The following LARGE2 variants were observed in gnomAD, a reference collection of about 807,000 sequenced individuals.
LARGE2 encodes the protein xylosyl- and glucuronyltransferase LARGE2.
In LARGE2, 63 loss-of-function variants were observed where a neutral mutation model predicts 75.3. That is an observed-to-expected ratio of 0.84 (90% CI 0.68 to 1.03). LARGE2 has a LOEUF of 1.03. Ranked by LOEUF, LARGE2 falls within the 50% of genes least tolerant of loss-of-function variation. The pLI is 0.00. For missense variants in LARGE2, 925 were observed against 980.6 expected (o/e 0.94, Z 0.76); for synonymous variants, 428 against 420.1 (o/e 1.02, Z -0.23).
chr11:45,928,358 G>A lies in LARGE2; in HGVS notation c.1936G>A (p.Glu646Lys). 1 of 1,613,678 alleles carries A rather than the reference G, an allele frequency of 6.2e-7. No homozygotes were observed. Among genetic ancestry groups the A allele is most frequent in the Admixed American group, 1.7e-5 (1 of 60,020 alleles). Residue 646 changes from glutamate to lysine, a missense_variant, in exon 13 of 14, where the codon GAG (glutamate) becomes AAG (lysine). Glu to Lys is a moderately conservative substitution (Grantham distance 56). Coordinates refer to ENST00000401752, the MANE Select transcript of LARGE2 (RefSeq NM_001300721.2). ...FGWNKVAHIV[E>K]LDAQEYELLV... Reference sequence around the variant, plus strand: ...CTGGAACAAAGTGGCCCACATTGTGGAGCTGGATGCCCAGGTGAGGAGGGC... The same window carrying A: ...CTGGAACAAAGTGGCCCACATTGTGAAGCTGGATGCCCAGGTGAGGAGGGC...
At chr11:45,925,159 C>T (rs2087094323) in intron 6 of LARGE2, among the ~76,000 whole-genome samples, 1 of 152,138 alleles carries the variant, frequency 6.6e-6, no homozygotes, top group African/African-American at 2.4e-5. Context: ...GTGAGAAGGC[C>T]ATGGATGTGC....
Position 45,922,955 on chromosome 11 carries a change from C to T in LARGE2, c.73C>T (p.Leu25Phe), listed in dbSNP as rs2086976616. ...GCTGCTGCTGCTGCTGCTCGGATTC[C>T]TCCTGTTCGGTGGGGACCTGGGGTG... is the stretch of plus-strand genomic sequence containing the variant. ...LLLLLLLLGF[L>F]LFGGDLGCER... Residue 25 changes from leucine to phenylalanine, a missense_variant, in exon 2 of 14, where the codon CTC becomes TTC. Leu to Phe is a conservative substitution (Grantham distance 22). This residue lies in a region of LARGE2 where 453 missense variants were observed against 460.2 expected (regional missense o/e 0.98). Transcript: ENST00000401752. The T allele has an allele frequency of 1.5e-6, 2 of 1,307,076 alleles. No homozygotes were observed. Among genetic ancestry groups the T allele is most frequent in the Non-Finnish European group, 1.9e-6 (2 of 1,033,076 alleles). The allele number at this position is 1,307,076 out of a possible 1,614,324, so 81.0% of individuals were successfully genotyped here.
Position 45,922,917 on chromosome 11 carries a change from C to G in LARGE2, c.35C>G (p.Ala12Gly). ...CGAGGGCGCCCCCGGGCGCTGGGGGCCGCCGCGCTGTTGCTGCTGCTGCTG... is the reference window on the plus strand; with the variant it reads ...CGAGGGCGCCCCCGGGCGCTGGGGGGCGCCGCGCTGTTGCTGCTGCTGCTG... The part of the protein sequence containing the change: ...LPRGRPRALG[A>G]AALLLLLLLL... The change falls in exon 2 of 14, where the codon GCC (alanine) becomes GGC (glycine). Residue 12 changes from alanine (A) to glycine (G), a missense_variant. Around this residue, in one of 3 missense-constraint regions of LARGE2, gnomAD observed 453 missense variants for 460.2 expected, o/e 0.98. Transcript: ENST00000401752. 7.8e-7 allele frequency: 1 copy of G among 1,280,670 alleles called. No individual in the cohort carries two copies. Among genetic ancestry groups the G allele is most frequent in the Non-Finnish European group, 9.8e-7 (1 of 1,018,186 alleles). 79.3% of individuals were successfully genotyped at this position (1,280,670 alleles called of 1,614,324 possible).
In LARGE2 at chr11:45,926,558, C is replaced by T. The variant is rs986041438; in HGVS notation, c.1125C>T (p.Leu375=). Residue 375 remains leucine (L), a synonymous_variant, in exon 9 of 14, where the codon CTC becomes CTT. Coordinates refer to ENST00000401752, the MANE Select transcript of LARGE2 (RefSeq NM_001300721.2). ...EYDGNLLRRE[L]FVCPSQPPPG... ...ATGGGAACCTGCTGCGGAGAGAGCT[C>T]TTTGTGTGCCCCAGCCAGCCCCCAC... 1.2e-6 allele frequency: 2 copies of T among 1,614,108 alleles called. No homozygotes were observed. Among genetic ancestry groups the T allele is most frequent in the Non-Finnish European group, 1.7e-6 (2 of 1,180,036 alleles).
upstream of LARGE2, chr11:45,922,615 A>T: frequency 3.4e-6 from 1 of 290,344 alleles, no homozygotes; most frequent in Admixed American, 5.3e-5. Context: ...AGCCCCGCTG[A>T]GGTGAAACCT....
At position 45,922,916 on chromosome 11, in the gene LARGE2, G is replaced by C; in HGVS notation, c.34G>C (p.Ala12Pro). 1 of 1,279,220 alleles carries C rather than the reference G, an allele frequency of 7.8e-7. No individual in the cohort carries two copies. The highest frequency in any genetic ancestry group is 9.8e-7 in the Non-Finnish European group (1 of 1,017,454). 79.2% of individuals were successfully genotyped at this position (1,279,220 alleles called of 1,614,324 possible). A position where few individuals can be genotyped will look rare whatever the true frequency, so the allele number is the denominator to read the frequency against. ...CCGAGGGCGCCCCCGGGCGCTGGGG[G>C]CCGCCGCGCTGTTGCTGCTGCTGCT... The part of the protein sequence containing the change: ...LPRGRPRALG[A>P]AALLLLLLLL... The change falls in exon 2 of 14, where the codon GCC becomes CCC. Residue 12 changes from alanine to proline, a missense_variant. Ala to Pro is a conservative substitution (Grantham distance 27). Coordinates refer to ENST00000401752, the MANE Select transcript of LARGE2 (RefSeq NM_001300721.2).
rs757018087 is a variant in LARGE2 at position 45,926,136 on chromosome 11, C to G, written c.867C>G (p.Thr289=). The G allele has an allele frequency of 1.3e-6, 2 of 1,583,554 alleles. No homozygotes were observed. The highest frequency in any genetic ancestry group is 2.3e-5 in the South Asian group (2 of 87,742). Residue 289 remains threonine (T), a synonymous_variant, in exon 7 of 14, where the codon ACC becomes ACG. Coordinates refer to ENST00000401752, the MANE Select transcript of LARGE2 (RefSeq NM_001300721.2). ...GGGAGCTCCTTAGCCTGCCTGCCAC[C>G]TCACTGGCTGACCAGGTCTGAGGAA... ...ARRELLSLPA[T]SLADQDIFNA...
upstream of LARGE2, among the ~76,000 whole-genome samples, chr11:45,922,140 G>A (rs1337003101): frequency 1.3e-5 from 2 of 152,080 alleles, no homozygotes; most frequent in African/African-American, 4.8e-5. Context: ...TTGTCCTGGC[G>A]GCGCCGGCAG....
chr11:45,927,894 C>T, intron 11 of LARGE2, 26 bp from the exon 12 acceptor site: 1 of 1,611,226 alleles, frequency 6.2e-7, no homozygotes, highest in South Asian at 1.1e-5. Flanking sequence ...CGCTCTTCTC[C>T]CCTGCTCATG....
chr11:45,924,911 G>A, intron 6 of LARGE2, 22 bp downstream of exon 6: 1 of 1,414,178 alleles, frequency 7.1e-7, no homozygotes, highest in Non-Finnish European at 9.3e-7. Context: ...GGTGAGGGGA[G>A]GCAGGCGGGG....
At position 45,924,184 on chromosome 11, in the gene LARGE2, T is replaced by C; in HGVS notation, c.399T>C (p.Thr133=). 1.9e-6 allele frequency: 3 copies of C among 1,612,618 alleles called. No individual in the cohort carries two copies. Among genetic ancestry groups the C allele is most frequent in the Non-Finnish European group, 2.5e-6 (3 of 1,179,932 alleles). The part of the protein sequence containing the change: ...RKNPLHLHLV[T]DAVARNILET... The stretch of plus-strand genomic sequence containing the variant: ...ATCCACTGCACCTCCACTTGGTGAC[T>C]GACGCCGTGGCCAGAAACATCCTGG... Residue 133 remains threonine, a synonymous_variant, in exon 4 of 14, where the codon ACT becomes ACC. Coordinates refer to ENST00000401752, the MANE Select transcript of LARGE2 (RefSeq NM_001300721.2).
chr11:45,928,616 G>GC lies in LARGE2; in HGVS notation c.1951-10dup, dbSNP rs747374130. 2 of 1,609,580 alleles carry GC rather than the reference G, an allele frequency of 1.2e-6. No homozygotes were observed. Among genetic ancestry groups the GC allele is most frequent in the Non-Finnish European group, 1.7e-6 (2 of 1,176,898 alleles). On this transcript the variant is annotated splice_polypyrimidine_tract_variant and intron_variant, in intron 13 of 13. Coordinates refer to ENST00000401752, the MANE Select transcript of LARGE2 (RefSeq NM_001300721.2). ...CAAGCCAGGCAGCCACTGCTCCTCT[G>GC]CCCCACCCTGCAGGAATATGAGCTC...
Position 45,928,073 on chromosome 11 carries a change from G to A in LARGE2, c.1754+4G>A, listed in dbSNP as rs1052082603. ...CGGGCACTCTCTACACCTTCAGGTA[G>A]GAGAGGCTACTTCTCTGCCCACTCC... On this transcript the variant is annotated splice_donor_region_variant and intron_variant, in intron 12 of 13. Transcript: ENST00000401752. 2.5e-6 allele frequency: 4 copies of A among 1,613,470 alleles called. No homozygotes were observed. The African/African-American group carries it at 5.3e-5, about 22-fold the overall frequency.
chr11:45,927,584 ACTACCTCAGGTGGGC>A lies in LARGE2; in HGVS notation c.1598_1604+8del. ...TTCCTGCCTGCCTATTCTCTCTACG[ACTACCTCAGGTGGGC>A]CTGCAGGCAGAGAGGGGAACAATAT... On this transcript the variant is annotated splice_donor_variant and splice_donor_5th_base_variant and coding_sequence_variant and intron_variant, in exon 11 of 14. Transcript: ENST00000401752. LOFTEE classifies it high-confidence loss of function. The A allele has an allele frequency of 6.2e-7, 1 of 1,613,326 alleles. No homozygotes were observed. Among genetic ancestry groups the A allele is most frequent in the Non-Finnish European group, 8.5e-7 (1 of 1,179,860 alleles).
chr11:45,928,710 C>T lies in LARGE2; in HGVS notation c.2031C>T (p.Arg677=). The T allele has an allele frequency of 1.2e-6, 2 of 1,614,168 alleles. No individual in the cohort carries two copies. The highest frequency in any genetic ancestry group is 8.5e-7 in the Non-Finnish European group (1 of 1,180,032). The change falls in exon 14 of 14, where the codon CGC becomes CGT. Residue 677 remains arginine (R), a synonymous_variant. Coordinates refer to ENST00000401752, the MANE Select transcript of LARGE2 (RefSeq NM_001300721.2). ...CAAGCCTGGACATCTCCCGCTTCCG[C>T]TCCAGCCCCACCTATCGTGACTGCC... ...HAPSLDISRF[R]SSPTYRDCLQ...
In LARGE2 at chr11:45,928,209, C is replaced by A. The variant is rs1205193864; in HGVS notation, c.1787C>A (p.Thr596Lys). ...YHEWPRGHAP[T>K]DYARWREAQA... ...GAGTGGCCCCGAGGCCACGCACCCA[C>A]AGACTATGCCCGCTGGCGGGAGGCT... is the stretch of plus-strand genomic sequence containing the variant. Residue 596 changes from threonine (T) to lysine (K), a missense_variant, in exon 13 of 14, where the codon ACA becomes AAA. Physicochemically the swap from Thr to Lys is moderately conservative, Grantham distance 78 (BLOSUM62 -1). This residue lies in a region of LARGE2 where 469 missense variants were observed against 503.8 expected (regional missense o/e 0.93). Coordinates refer to ENST00000401752, the MANE Select transcript of LARGE2 (RefSeq NM_001300721.2). 6.2e-7 allele frequency: 1 copy of A among 1,613,828 alleles called. No individual in the cohort carries two copies. The highest frequency in any genetic ancestry group is 8.5e-7 in the Non-Finnish European group (1 of 1,180,050).
intron 10 of LARGE2, 88 bp downstream of exon 10, chr11:45,926,959 T>C: frequency 7.4e-7 from 1 of 1,342,668 alleles, no homozygotes; most frequent in Non-Finnish European, 1.0e-6. Context: ...AGCCTGATGC[T>C]GTGGTAGTGA....
rs757524162 is a variant in LARGE2 at position 45,927,583 on chromosome 11, G to A, written c.1594G>A (p.Asp532Asn). 17 of 1,613,312 alleles carry A rather than the reference G, an allele frequency of 1.1e-5. No homozygotes were observed. The highest frequency in any genetic ancestry group is 5.5e-5 in the South Asian group (5 of 91,060). The change falls in exon 11 of 14, where the codon GAC becomes AAC. Residue 532 changes from aspartate to asparagine, a missense_variant. Physicochemically the swap from Asp to Asn is conservative, Grantham distance 23 (BLOSUM62 1). Coordinates refer to ENST00000401752, the MANE Select transcript of LARGE2 (RefSeq NM_001300721.2). ...CTTCCTGCCTGCCTATTCTCTCTAC[G>A]ACTACCTCAGGTGGGCCTGCAGGCA... is the stretch of plus-strand genomic sequence containing the variant. Reference protein sequence around the residue: ...IDFLPAYSLYDYLRASIEQLG... With the variant: ...IDFLPAYSLYNYLRASIEQLG...
rs752010529 is a variant in LARGE2 at position 45,928,730 on chromosome 11, A to G, written c.2051A>G (p.Asp684Gly). ...SRFRSSPTYR[D>G]CLQALKDEFH... ...TTCCGCTCCAGCCCCACCTATCGTG[A>G]CTGCCTCCAGGCCCTCAAGGACGAA... The change falls in exon 14 of 14, where the codon GAC (aspartate) becomes GGC (glycine). Residue 684 changes from aspartate (D) to glycine (G), a missense_variant. Coordinates refer to ENST00000401752, the MANE Select transcript of LARGE2 (RefSeq NM_001300721.2). 4 of 1,613,998 alleles carry G rather than the reference A, an allele frequency of 2.5e-6. No individual in the cohort carries two copies. The South Asian group carries it at 4.4e-5, about 18-fold the overall frequency.
Sources: allele counts gnomAD v4.1 joint callset (sites outside exome capture counted in the v4.1 genomes callset), GRCh38; gene constraint gnomAD v4.1.1; regional missense constraint gnomAD v4.1.1; transcripts MANE v1.5; gene names NCBI Gene and HGNC (gene_info 2026-07-23, HGNC 2026-07-21).